The following SLC4A1 variants were observed in gnomAD, a reference collection of about 807,000 sequenced individuals.
The protein encoded by SLC4A1 is solute carrier family 4 member 1 (Diego blood group), also known as band 3 anion transport protein.
A neutral mutation model predicts 93.1 loss-of-function variants in SLC4A1; 29 were observed. The observed-to-expected ratio is 0.31, with a 90% CI of 0.23 to 0.42. The LOEUF (loss-of-function observed/expected upper bound fraction) is 0.42, where lower values mean the gene tolerates loss of function less well. SLC4A1 is among the 20% of genes least tolerant of loss of function. The pLI, the probability that SLC4A1 is intolerant of heterozygous loss-of-function variation, is 1.00. For missense variants in SLC4A1, 965 were observed against 1,190.1 expected (o/e 0.81, Z 2.78); for synonymous variants, 469 against 497.2 (o/e 0.94, Z 0.76).
chr17:44,259,677 T>C, intron 7 of SLC4A1, 96 bp from the exon 8 acceptor site: 2 of 1,534,910 alleles, frequency 1.3e-6, no homozygotes, highest in Non-Finnish European at 1.8e-6. Flanking sequence ...CCAACTCTCC[T>C]GGCACCCCCC....
intron 3 of SLC4A1, 98 bp downstream of exon 3, chr17:44,262,538 G>T: frequency 1.2e-6 from 1 of 864,104 alleles, no homozygotes; most frequent in Non-Finnish European, 1.9e-6. Flanking sequence ...GTGGTGCTTG[G>T]GAGGAGGACT....
chr17:44,256,519 C>T (rs1383136224), intron 13 of SLC4A1, among the ~76,000 whole-genome samples: 1 of 152,352 alleles, frequency 6.6e-6, no homozygotes, highest in South Asian at 2.1e-4. Context: ...GGTACAAAGG[C>T]AAGCAGAGCT....
Position 44,259,486 on chromosome 17 carries a change from C to A in SLC4A1, c.694+11G>T, listed in dbSNP as rs2047422098. The A allele has an allele frequency of 1.9e-6, 3 of 1,610,662 alleles. No individual in the cohort carries two copies. The highest frequency in any genetic ancestry group is 2.5e-6 in the Non-Finnish European group (3 of 1,176,832). On this transcript the variant is annotated intron_variant, in intron 8 of 19. Coordinates refer to ENST00000262418, the MANE Select transcript of SLC4A1 (RefSeq NM_000342.4). ...GTGTGGAGGGCTGAGGGTAGAGATG[C>A]CTGTTCTTACCCACTAGCACCAACG...
At position 44,254,450 on chromosome 17, in the gene SLC4A1, C is replaced by G. The variant is rs751043450; in HGVS notation, c.2057+46G>C. 4.5e-6 allele frequency: 7 copies of G among 1,546,738 alleles called. No individual in the cohort carries two copies. The Admixed American group carries it at 1.2e-4, about 26-fold the overall frequency. On this transcript the variant is annotated intron_variant, in intron 16 of 19. Transcript: ENST00000262418. ...GCCTGGGAGAATGCCAGGGAAAGGT[C>G]CCTGCCTCCCACCCTCCCAGGCCCA...
chr17:44,267,622 AGACC>A (rs1466620533), intron 1 of SLC4A1, among the ~76,000 whole-genome samples: 1 of 152,182 alleles, frequency 6.6e-6, no homozygotes, highest in Non-Finnish European at 1.5e-5. Context: ...TGCCCCAGGT[AGACC>A]CCTGGAAGTG....
At position 44,253,149 on chromosome 17, in the gene SLC4A1, C is replaced by A. The variant is rs1303009414; in HGVS notation, c.2280G>T (p.Arg760=). ...GCACAGCGACCAGGAGTCCACTGAT[C>A]CGCTGCTCTTTGACCTCCTGGATCT... ...AAQIQEVKEQ[R]ISGLLVAVLV... is the part of the protein sequence containing the mutation. Residue 760 remains arginine, a synonymous_variant, in exon 17 of 20, where the codon CGG becomes CGT. Transcript: ENST00000262418. The A allele has an allele frequency of 1.2e-6, 2 of 1,613,206 alleles. No homozygotes were observed. Among genetic ancestry groups the A allele is most frequent in the Non-Finnish European group, 1.7e-6 (2 of 1,180,054 alleles).
At chr17:44,264,393 G>A (rs1446162481) in intron 1 of SLC4A1, among the ~76,000 whole-genome samples, 1 of 152,200 alleles carries the variant, frequency 6.6e-6, no homozygotes, top group Non-Finnish European at 1.5e-5. Context: ...GGGAGGCAGA[G>A]GTTGCAGTGA....
rs1421842748 is a variant in SLC4A1 at position 44,260,854 on chromosome 17, G to A, written c.169-39C>T. 8 of 1,602,666 alleles carry A rather than the reference G, an allele frequency of 5.0e-6. No individual in the cohort carries two copies. The East Asian group carries it at 1.8e-4, about 36-fold the overall frequency. Reference sequence around the variant, plus strand: ...CGCCTGAGTTAGTTCATCAGGCATAGTCCAGGGCATAGTGGGTGCTCAGCC... The same window carrying A: ...CGCCTGAGTTAGTTCATCAGGCATAATCCAGGGCATAGTGGGTGCTCAGCC... On this transcript the variant is annotated intron_variant, in intron 4 of 19. Coordinates refer to ENST00000262418, the MANE Select transcript of SLC4A1 (RefSeq NM_000342.4).
rs1194814450 is a variant in SLC4A1 at position 44,259,533 on chromosome 17, T to C, written c.658A>G (p.Ile220Val). ...AACGTGGCCTCTGAATCCGGGGGAA[T>C]CTTTTCCAGAATTCCAGATGGTGAG... ...GHSPSGILEK[I>V]PPDSEATLVL... Residue 220 changes from isoleucine to valine, a missense_variant, in exon 8 of 20, where the codon ATT becomes GTT. Physicochemically the swap from Ile to Val is conservative, Grantham distance 29. Transcript: ENST00000262418. 3.7e-6 allele frequency: 6 copies of C among 1,613,964 alleles called. No homozygotes were observed. Among genetic ancestry groups the C allele is most frequent in the South Asian group, 3.3e-5 (3 of 91,084 alleles).
Position 44,258,377 on chromosome 17 carries a change from G to C in SLC4A1, c.1087+36C>G. The C allele has an allele frequency of 1.3e-6, 2 of 1,599,842 alleles. No individual in the cohort carries two copies. ...ACGCTGAGGTGTCTGGGGGTCGGTGGGGGCTCAGAAAGCCTCAGCTGGGAA... is the reference window on the plus strand; with the variant it reads ...ACGCTGAGGTGTCTGGGGGTCGGTGCGGGCTCAGAAAGCCTCAGCTGGGAA... On this transcript the variant is annotated intron_variant, in intron 10 of 19. Coordinates refer to ENST00000262418, the MANE Select transcript of SLC4A1 (RefSeq NM_000342.4). This position sits in a 1 kb window ranked among gnomAD's most constrained non-coding sequence, Gnocchi z 6.1.
At chr17:44,261,486 G>T (rs950254321) in intron 4 of SLC4A1, 89 bp downstream of exon 4, 3 of 1,607,244 alleles carry the variant, frequency 1.9e-6, no homozygotes, top group Non-Finnish European at 2.6e-6. Flanking sequence ...GCCTGAAGCT[G>T]CCTCTATCCC....
intron 13 of SLC4A1, 31 bp downstream of exon 13, chr17:44,257,319 C>T (rs757973210): frequency 3.4e-5 from 54 of 1,603,204 alleles, no homozygotes; most frequent in Middle Eastern, 1.7e-4. Flanking sequence ...CACAACCTCC[C>T]GTGTGCATTA....
At chr17:44,257,316 TC>T (rs1362603766) in intron 13 of SLC4A1, 33 bp downstream of exon 13, 1 of 1,600,988 alleles carries the variant, frequency 6.2e-7, no homozygotes, top group Admixed American at 1.7e-5. Flanking sequence ...ATACACAACC[TC>T]CCGTGTGCAT....
intron 6 of SLC4A1, 40 bp from the exon 7 acceptor site, chr17:44,259,972 C>T (rs1399906435): frequency 1.2e-6 from 2 of 1,610,806 alleles, no homozygotes; most frequent in Non-Finnish European, 1.7e-6. Flanking sequence ...GTAAGCTGTT[C>T]AGGCTGAGCT....
Position 44,262,925 on chromosome 17 carries a change from C to T in SLC4A1, c.-59G>A. ...ATCTGAGCCCCCAGCATAACCCGCA[C>T]CGCGGGTCCCTGCAGCAGAGGGCAC... On this transcript the variant is annotated 5_prime_UTR_variant, in exon 2 of 20. The change creates a new upstream start codon in the 5' untranslated region. Coordinates refer to ENST00000262418, the MANE Select transcript of SLC4A1 (RefSeq NM_000342.4). The T allele has an allele frequency of 2.5e-6, 4 of 1,612,868 alleles. No individual in the cohort carries two copies. The highest frequency in any genetic ancestry group is 2.2e-5 in the East Asian group (1 of 44,878).
chr17:44,265,239 A>G (rs377052403), intron 1 of SLC4A1, among the ~76,000 whole-genome samples: 3 of 152,046 alleles, frequency 2.0e-5, no homozygotes, highest in Non-Finnish European at 2.9e-5. Flanking sequence ...CCGAGGTGAC[A>G]TGGACCCCAG....
At chr17:44,266,074 T>C (rs1014542473) in intron 1 of SLC4A1, among the ~76,000 whole-genome samples, 6 of 151,814 alleles carry the variant, frequency 4.0e-5, no homozygotes, top group African/African-American at 1.5e-4. Context: ...AGGGGATTAC[T>C]GGATCTCACC....
intron 4 of SLC4A1, 121 bp downstream of exon 4, chr17:44,261,454 A>C: frequency 6.6e-7 from 1 of 1,515,288 alleles, no homozygotes; most frequent in Non-Finnish European, 9.1e-7. Context: ...TCACTCCTCT[A>C]TCTGCTGCAG....
In SLC4A1 at chr17:44,262,827, A is replaced by G. The variant is rs368288510; in HGVS notation, c.15+25T>C. ...GTCCCCAGAGCCTCCAGGTGGGAGCACTGCTGATGCCAGGGAACACCCACC... is the reference window on the plus strand; with the variant it reads ...GTCCCCAGAGCCTCCAGGTGGGAGCGCTGCTGATGCCAGGGAACACCCACC... On this transcript the variant is annotated intron_variant, in intron 2 of 19. Transcript: ENST00000262418. 8.3e-5 allele frequency: 134 copies of G among 1,612,758 alleles called. No individual in the cohort carries two copies. The African/African-American group carries it at 1.5e-3, about 18-fold the overall frequency.
Sources: allele counts gnomAD v4.1 joint callset (sites outside exome capture counted in the v4.1 genomes callset), GRCh38; gene constraint gnomAD v4.1.1; non-coding constraint Gnocchi (gnomAD v3.1); transcripts MANE v1.5; gene names NCBI Gene and HGNC (gene_info 2026-07-23, HGNC 2026-07-21).